Variants in SNRNP40 observed in about 807,000 individuals in gnomAD.
The protein encoded by SNRNP40 is small nuclear ribonucleoprotein U5 subunit 40.
In SNRNP40, 21 loss-of-function variants were observed where a neutral mutation model predicts 45.8. The observed-to-expected ratio is 0.46, with a 90% CI of 0.32 to 0.66. The LOEUF (loss-of-function observed/expected upper bound fraction) is 0.66, where lower values mean the gene tolerates loss of function less well. Ranked by LOEUF, SNRNP40 falls within the 30% of genes least tolerant of loss-of-function variation. The probability of loss-of-function intolerance (pLI) is 0.03; values close to 1 mark genes in which losing one functional copy is unlikely to be tolerated. For synonymous variants in SNRNP40, 142 were observed against 163.8 expected, an observed-to-expected ratio of 0.87 and a Z score of 1.01; for missense variants, 344 against 439.1, an observed-to-expected ratio of 0.78 and a Z score of 1.94.
At chr1:31,263,922 A>AG (rs1204489887) in intron 8 of SNRNP40, among the ~76,000 whole-genome samples, 1 of 151,630 alleles carries the variant, frequency 6.6e-6, no homozygotes, top group African/African-American at 2.4e-5. Flanking sequence ...CTAAAAAAAA[A>AG]AAAAAAAAAA....
chr1:31,279,126 C>A (rs536716004), intron 5 of SNRNP40, among the ~76,000 whole-genome samples: 12 of 151,896 alleles, frequency 7.9e-5, no homozygotes, highest in African/African-American at 2.9e-4. Flanking sequence ...GCAGAAAAAT[C>A]TCCAGGGTAT....
In SNRNP40 at chr1:31,269,482, A is replaced by G. The variant is rs114670490; in HGVS notation, c.776-242T>C. 6,265 of 948,566 alleles carry G rather than the reference A, an allele frequency of 6.6e-3. 32 individuals carry two copies. Among genetic ancestry groups the G allele is most frequent in the Admixed American group, 0.01 (262 of 26,038 alleles). 58.8% of individuals were successfully genotyped at this position (948,566 alleles called of 1,614,324 possible). ...GCAGGAAGGAAAAATGTCACACACA[A>G]TGTTGGTAATTTGCAACAGAATGCA... On this transcript the variant is annotated intron_variant, in intron 6 of 9. Transcript: ENST00000263694.
chr1:31,275,310 G>T (rs372221782), intron 5 of SNRNP40, among the ~76,000 whole-genome samples: 61 of 152,290 alleles, frequency 4.0e-4, no homozygotes, highest in African/African-American at 1.4e-3. Flanking sequence ...CATGTTTAAA[G>T]AAATTTATGA....
chr1:31,273,082 G>A (rs1444470703), intron 5 of SNRNP40, among the ~76,000 whole-genome samples: 1 of 152,130 alleles, frequency 6.6e-6, no homozygotes. Context: ...CTCATGTGTG[G>A]AGCCCAACAC....
chr1:31,282,634 A>G (rs1406046579), intron 4 of SNRNP40, among the ~76,000 whole-genome samples: 1 of 150,274 alleles, frequency 6.7e-6, no homozygotes, highest in Non-Finnish European at 1.5e-5. Flanking sequence ...ATCTATATCT[A>G]TCTATCTATG....
At chr1:31,263,608 G>T in intron 8 of SNRNP40, 1 of 465,662 alleles carries the variant, frequency 2.1e-6, no homozygotes, top group South Asian at 1.6e-5. Flanking sequence ...GTGAACTGCT[G>T]AGATTTTATG....
chr1:31,271,216 T>C (rs551805410), intron 6 of SNRNP40, 163 bp downstream of exon 6: 18 of 638,280 alleles, frequency 2.8e-5, no homozygotes, highest in Non-Finnish European at 4.7e-5. Flanking sequence ...GTGTGCAAAG[T>C]TGTTCAGGGA....
At position 31,260,120 on chromosome 1, in the gene SNRNP40, A is replaced by G. The variant is rs191285327; in HGVS notation, c.1026T>C (p.Ile342=). The G allele has an allele frequency of 6.3e-7, 1 of 1,589,904 alleles. No homozygotes were observed. The highest frequency in any genetic ancestry group is 1.4e-5 in the African/African-American group (1 of 73,984). The change falls in exon 10 of 10, where the codon ATT becomes ATC. Residue 342 remains isoleucine, a splice_region_variant and synonymous_variant. Coordinates refer to ENST00000263694, the MANE Select transcript of SNRNP40 (RefSeq NM_004814.3). The part of the protein sequence containing the change: ...EVAFHPDEPI[I]ISASSDKRLY... ...GTCTCTTGTCACTCGATGCTGAGAT[A>G]ACTGAGGTAAAAAGAACAGATAACT...
At chr1:31,262,997 G>C (rs1332905511) in intron 8 of SNRNP40, among the ~76,000 whole-genome samples, 1 of 127,382 alleles carries the variant, frequency 7.9e-6, no homozygotes, top group Non-Finnish European at 1.8e-5. Context: ...GTGAGATCCT[G>C]TCTCAAGAAA....
At chr1:31,295,924 T>G (rs781717173) in intron 1 of SNRNP40, among the ~76,000 whole-genome samples, 1 of 152,244 alleles carries the variant, frequency 6.6e-6, no homozygotes, top group African/African-American at 2.4e-5. Context: ...CACTCGTATT[T>G]CCTCGTCTGA....
intron 3 of SNRNP40, among the ~76,000 whole-genome samples, chr1:31,290,636 G>T (rs1209587525): frequency 6.6e-6 from 1 of 152,092 alleles, no homozygotes. Flanking sequence ...CCAGCATTTT[G>T]GGAGGCCAAG....
rs1646057955 is a variant in SNRNP40 at position 31,286,206 on chromosome 1, CTA to C, written c.531+3046_531+3047del. Among the ~76,000 whole-genome samples, 5 of 152,136 alleles carry C rather than the reference CTA, an allele frequency of 3.3e-5. No homozygotes were observed. In the South Asian group the frequency reaches 1.0e-3, roughly 32 times the overall value. On this transcript the variant is annotated intron_variant, in intron 4 of 9. Coordinates refer to ENST00000263694, the MANE Select transcript of SNRNP40 (RefSeq NM_004814.3). ...CTCACACATTTATGTCTATTTTTTT[CTA>C]TATGTTTCTATATTGAATATTGTGA...
At chr1:31,289,009 GC>G (rs1646083129) in intron 4 of SNRNP40, among the ~76,000 whole-genome samples, 1 of 152,234 alleles carries the variant, frequency 6.6e-6, no homozygotes. Flanking sequence ...GGGATTACAG[GC>G]GTAAGCCACA....
chr1:31,283,374 G>A (rs1036241904), intron 4 of SNRNP40, among the ~76,000 whole-genome samples: 7 of 152,112 alleles, frequency 4.6e-5, no homozygotes, highest in Non-Finnish European at 1.5e-5. Flanking sequence ...AGGCCGAGGT[G>A]GATGGATCAC....
intron 4 of SNRNP40, among the ~76,000 whole-genome samples, chr1:31,284,221 C>T (rs139477663): frequency 2.2e-4 from 33 of 152,366 alleles, no homozygotes; most frequent in African/African-American, 7.9e-4. Flanking sequence ...GGCATCTCGG[C>T]TCACTGCAAC....
At chr1:31,260,863 C>T in intron 9 of SNRNP40, 1 of 473,166 alleles carries the variant, frequency 2.1e-6, no homozygotes, top group Non-Finnish European at 2.6e-6. Context: ...GACTCTGTCT[C>T]AAAAAAAAAA....
chr1:31,260,874 A>AAAAG (rs1553165798), intron 9 of SNRNP40: 13,399 of 646,450 alleles, frequency 0.021, 45 homozygotes, highest in Non-Finnish European at 0.024. Flanking sequence ...AAAAAAAAAA[A>AAAAG]AAAAAAGTAT....
chr1:31,296,709 C>A lies in SNRNP40; in HGVS notation c.43G>T (p.Val15Phe), dbSNP rs781589329. 5.6e-6 allele frequency: 9 copies of A among 1,613,644 alleles called. No individual in the cohort carries two copies. Among genetic ancestry groups the A allele is most frequent in the African/African-American group, 2.7e-5 (2 of 74,932 alleles). The change falls in exon 1 of 10, where the codon GTT (valine) becomes TTT (phenylalanine). Residue 15 changes from valine to phenylalanine, a missense_variant. Transcript: ENST00000263694. ...QKRKGPELPLVPVKRQRHELL... is the reference protein window; with the variant it reads ...QKRKGPELPLFPVKRQRHELL... ...TCATGCCGCTGCCGCTTGACTGGAA[C>A]CAGCGGCAACTCTGGGCCCTTACGC...
intron 4 of SNRNP40, among the ~76,000 whole-genome samples, chr1:31,283,590 G>A (rs1475591808): frequency 1.3e-5 from 2 of 152,140 alleles, no homozygotes; most frequent in South Asian, 2.1e-4. Flanking sequence ...GCTACAGAGC[G>A]AGACTTCGTC....
Sources: gnomAD v4.1 joint callset for allele counts (sites outside exome capture counted in the v4.1 genomes callset) on GRCh38, gnomAD v4.1.1 for gene constraint, MANE v1.5 for transcripts, NCBI Gene and HGNC (gene_info 2026-07-23, HGNC 2026-07-21) for gene names.